The following KAZN variants were observed in gnomAD, a reference collection of about 807,000 sequenced individuals.
KAZN encodes the protein kazrin, periplakin interacting protein, also known as kazrin.
A neutral mutation model predicts 87.4 loss-of-function variants in KAZN; 40 were observed. The observed-to-expected ratio is 0.46, with a 90% CI of 0.36 to 0.60. The LOEUF (loss-of-function observed/expected upper bound fraction) is 0.60. Among genes scored for constraint, KAZN ranks in the 20% least tolerant of loss-of-function variants. The pLI is 0.00. For synonymous variants in KAZN, 466 were observed against 458.3 expected (o/e 1.02, Z -0.22); for missense variants, 898 against 1,073.9 (o/e 0.84, Z 2.29).
chr1:14,429,085 T>C (rs986672540), intron 2 of KAZN, among the ~76,000 whole-genome samples: 2 of 152,174 alleles, frequency 1.3e-5, no homozygotes, highest in Non-Finnish European at 2.9e-5. Flanking sequence ...AGGGAGTTTT[T>C]CTCTCCCATC....
At chr1:13,945,465 G>A (rs1272109043) in intron 1 of KAZN, among the ~76,000 whole-genome samples, 2 of 105,070 alleles carry the variant, frequency 1.9e-5, no homozygotes, top group African/African-American at 7.7e-5. Flanking sequence ...CAGAGGGAGA[G>A]TCCGTCTCAA....
intron 1 of KAZN, among the ~76,000 whole-genome samples, chr1:13,993,796 A>G (rs1320435962): frequency 6.6e-6 from 1 of 152,224 alleles, no homozygotes; most frequent in Non-Finnish European, 1.5e-5. Flanking sequence ...AGGGGTGGGC[A>G]TGGGGCCACC....
chr1:14,379,974 G>A (rs1661236784), intron 2 of KAZN, among the ~76,000 whole-genome samples: 1 of 152,172 alleles, frequency 6.6e-6, no homozygotes, highest in African/African-American at 2.4e-5. Context: ...GGTGGTGGTG[G>A]GCACAGAGGT....
chr1:14,650,852 A>T (rs1402991791), intron 1 of KAZN, among the ~76,000 whole-genome samples: 1 of 152,178 alleles, frequency 6.6e-6, no homozygotes, highest in East Asian at 1.9e-4. Context: ...CAAGGGCCTG[A>T]TGGGGTCCAT....
At chr1:14,347,110 C>T (rs903915927) in intron 2 of KAZN, among the ~76,000 whole-genome samples, 1 of 152,166 alleles carries the variant, frequency 6.6e-6, no homozygotes, top group Non-Finnish European at 1.5e-5. Flanking sequence ...TCTATTCACC[C>T]TTCCACGGGT....
chr1:14,030,091 T>C (rs1010937719), intron 1 of KAZN, among the ~76,000 whole-genome samples: 3 of 151,852 alleles, frequency 2.0e-5, no homozygotes, highest in African/African-American at 4.8e-5. Flanking sequence ...ACGATATTGA[T>C]TCTTCCTACC....
intron 1 of KAZN, among the ~76,000 whole-genome samples, chr1:14,615,654 G>A (rs1013244493): frequency 6.6e-6 from 1 of 151,950 alleles, no homozygotes; most frequent in African/African-American, 2.4e-5. Flanking sequence ...GAGCAGAGGG[G>A]ACTTCTCACT....
chr1:13,912,352 G>A (rs1345781147), intron 1 of KAZN, among the ~76,000 whole-genome samples: 1 of 152,008 alleles, frequency 6.6e-6, no homozygotes, highest in African/African-American at 2.4e-5. Context: ...ATCTACTTGT[G>A]GGCACACACT....
At chr1:14,608,153 A>G (rs1997785) in intron 1 of KAZN, among the ~76,000 whole-genome samples, 1 of 152,206 alleles carries the variant, frequency 6.6e-6, no homozygotes, top group African/African-American at 2.4e-5. Context: ...AGATGTCACT[A>G]TCAGGTAGCC....
intron 1 of KAZN, among the ~76,000 whole-genome samples, chr1:14,781,903 C>T (rs959439171): frequency 6.6e-6 from 1 of 152,186 alleles, no homozygotes; most frequent in Non-Finnish European, 1.5e-5. Context: ...GGTTCATATA[C>T]GGACTGAATT....
chr1:13,983,321 T>C (rs915266067), intron 1 of KAZN, among the ~76,000 whole-genome samples: 1 of 152,224 alleles, frequency 6.6e-6, no homozygotes, highest in African/African-American at 2.4e-5. Flanking sequence ...GGAAGGCAGC[T>C]AAGGCCCAGC....
At chr1:14,397,721 C>T (rs916875123) in intron 2 of KAZN, among the ~76,000 whole-genome samples, 6 of 151,674 alleles carry the variant, frequency 4.0e-5, no homozygotes, top group Non-Finnish European at 8.8e-5. Flanking sequence ...ATTAGCTGGG[C>T]GTGGTGGCAG....
rs1639198782 is a variant in KAZN, at chr1:15,065,997, T to C, written c.1222+244T>C. 19 of 1,335,932 alleles carry C rather than the reference T, an allele frequency of 1.4e-5. No individual in the cohort carries two copies. The East Asian group carries it at 5.6e-4, about 40-fold the overall frequency. 82.8% of individuals were successfully genotyped at this position (1,335,932 alleles called of 1,614,324 possible). On this transcript the variant is annotated intron_variant, in intron 8 of 14. Coordinates refer to ENST00000376030, the MANE Select transcript of KAZN (RefSeq NM_201628.3). Reference sequence around the variant, plus strand: ...CCTCTCTCCCCTGCGTCGCCACCTCTGTAATTGATGTACATACCGCAAACC... The same window carrying C: ...CCTCTCTCCCCTGCGTCGCCACCTCCGTAATTGATGTACATACCGCAAACC...
chr1:14,912,326 A>T (rs1020429844), intron 1 of KAZN, among the ~76,000 whole-genome samples: 1 of 152,140 alleles, frequency 6.6e-6, no homozygotes, highest in African/African-American at 2.4e-5. Context: ...GACCCAGGAC[A>T]TTGCCTTTCA....
At chr1:14,491,386 G>T (rs1007236791) in intron 2 of KAZN, among the ~76,000 whole-genome samples, 1 of 152,138 alleles carries the variant, frequency 6.6e-6, no homozygotes, top group Non-Finnish European at 1.5e-5. Context: ...ACGTGCCATG[G>T]TGGTTTGCTG....
chr1:14,853,197 G>A (rs753838880), intron 1 of KAZN, among the ~76,000 whole-genome samples: 7 of 152,160 alleles, frequency 4.6e-5, no homozygotes, highest in African/African-American at 9.7e-5. Flanking sequence ...AGGGATCTGC[G>A]GTTGCAGGGA....
chr1:14,712,111 A>C (rs551617055), intron 1 of KAZN, among the ~76,000 whole-genome samples: 1 of 152,284 alleles, frequency 6.6e-6, no homozygotes, highest in Non-Finnish European at 1.5e-5. Context: ...CAGGTGCTGG[A>C]TTTGGGGTTT....
Position 15,051,420 on chromosome 1 carries a change from A to G in KAZN, c.727-4671A>G, listed in dbSNP as rs142343274. ...CTCACTGCCCAGGCTCAGGGAGCGC[A>G]TAAGTAATCCTAACTGAGCACTATG... On this transcript the variant is annotated intron_variant, in intron 4 of 14. Transcript: ENST00000376030. Among the ~76,000 whole-genome samples the G allele has an allele frequency of 2.6e-3, 392 of 152,362 alleles. 10 individuals are homozygous for G. In the East Asian group the frequency reaches 0.03, roughly 12 times the overall value.
intron 2 of KAZN, among the ~76,000 whole-genome samples, chr1:14,393,559 C>T (rs953632212): frequency 1.8e-4 from 28 of 152,062 alleles, no homozygotes; most frequent in African/African-American, 6.3e-4. Flanking sequence ...AGTAGCCTCA[C>T]GAAGAGTTTG....
Sources: gnomAD v4.1 joint callset for allele counts (sites outside exome capture counted in the v4.1 genomes callset) on GRCh38, gnomAD v4.1.1 for gene constraint, MANE v1.5 for transcripts, NCBI Gene and HGNC (gene_info 2026-07-23, HGNC 2026-07-21) for gene names.